Variants in NIN observed in about 807,000 individuals in gnomAD.
NIN encodes ninein.
NIN carries 137 observed loss-of-function variants against 257.6 expected under a neutral mutation model. The ratio of observed to expected loss-of-function variants is 0.53; its 90% CI spans 0.46 to 0.61. The LOEUF (loss-of-function observed/expected upper bound fraction) is 0.61, where lower values mean the gene tolerates loss of function less well. Ranked by LOEUF, NIN falls within the 20% of genes least tolerant of loss-of-function variation. NIN has a pLI of 0.00. For missense variants in NIN, 2,439 were observed against 2,501.2 expected (o/e 0.98, Z 0.53); for synonymous variants, 918 against 919.8 (o/e 1.00, Z 0.04).
At chr14:50,766,977 C>T in intron 12 of NIN, 87 bp from the exon 13 acceptor site, 2 of 851,712 alleles carry the variant, frequency 2.3e-6, no homozygotes, top group Non-Finnish European at 3.8e-6. Context: ...TAAATCAGTA[C>T]CGTAGATTAA....
chr14:50,739,203 C>T, intron 26 of NIN, 105 bp downstream of exon 26: 2 of 1,037,438 alleles, frequency 1.9e-6, no homozygotes, highest in Non-Finnish European at 2.8e-6. Context: ...TAGCAGGATA[C>T]TCAAATCCAT....
chr14:50,754,740 A>G lies in NIN; in HGVS notation c.4664+2T>C, dbSNP rs1163677102. On this transcript the variant is annotated splice_donor_variant, in intron 19 of 30. Transcript: ENST00000530997. LOFTEE classifies it high-confidence loss of function. ...TTAGGAAAATGTAAGTATACGTCTT[A>G]CCACATTTCTTCCTGAGATCCATTT... The G allele has an allele frequency of 6.3e-7, 1 of 1,585,088 alleles. No homozygotes were observed. Among genetic ancestry groups the G allele is most frequent in the Non-Finnish European group, 8.6e-7 (1 of 1,164,572 alleles).
chr14:50,772,492 T>G, intron 8 of NIN, 24 bp from the exon 9 acceptor site: 1 of 1,610,774 alleles, frequency 6.2e-7, no homozygotes, highest in East Asian at 2.2e-5. Flanking sequence ...GAGACTTGAG[T>G]AAGCCTAGCT....
At chr14:50,791,805 G>GCACACACACAAACA (rs1254307573) in intron 5 of NIN, among the ~76,000 whole-genome samples, 2 of 23,066 alleles carry the variant, frequency 8.7e-5, no homozygotes, top group East Asian at 5.0e-3. Flanking sequence ...ACAGGTGCAC[G>GCACACACACAAACA]CGCACACACA....
rs1436794977 is a variant in NIN, at chr14:50,747,340, C to G, written c.5064+652G>C. On this transcript the variant is annotated intron_variant, in intron 22 of 30. Transcript: ENST00000530997. ...TAGAAAAGTTATAAGCAAGATAGTC[C>G]CCCTCCTTTTAGACAAACATATGTT... 2.0e-5 allele frequency among the ~76,000 whole-genome samples: 3 copies of G among 152,124 alleles called. No individual in the cohort carries two copies. The East Asian group carries it at 5.8e-4, about 29-fold the overall frequency.
At chr14:50,794,906 G>GT (rs1383518980) in intron 4 of NIN, among the ~76,000 whole-genome samples, 1 of 152,178 alleles carries the variant, frequency 6.6e-6, no homozygotes, top group Non-Finnish European at 1.5e-5. Flanking sequence ...GGTAGATGCA[G>GT]TGGTGGATTC....
At position 50,792,714 on chromosome 14, in the gene NIN, C is replaced by T. The variant is rs1405505685; in HGVS notation, c.433G>A (p.Glu145Lys). Reference sequence around the variant, plus strand: ...AACGTGCATGCCCGATTCCTTACCTCACTGCAGTCACCGGCTGGGATGTGT... The same window carrying T: ...AACGTGCATGCCCGATTCCTTACCTTACTGCAGTCACCGGCTGGGATGTGT... ...PSHIPAGDCS[E>K]HWKTQRSEEY... Residue 145 changes from glutamate to lysine, a missense_variant and splice_region_variant, in exon 5 of 31, where the codon GAG becomes AAG. By Grantham distance (56) the Glu-to-Lys change is moderately conservative. Transcript: ENST00000530997. 6 of 1,614,202 alleles carry T rather than the reference C, an allele frequency of 3.7e-6. No homozygotes were observed. Among genetic ancestry groups the T allele is most frequent in the Non-Finnish European group, 5.1e-6 (6 of 1,180,040 alleles).
At chr14:50,746,932 G>A (rs1473733767) in intron 22 of NIN, among the ~76,000 whole-genome samples, 5 of 152,168 alleles carry the variant, frequency 3.3e-5, no homozygotes, top group Admixed American at 2.0e-4. Context: ...CGCAATCTCA[G>A]CTCACTGGAG....
intron 6 of NIN, among the ~76,000 whole-genome samples, chr14:50,778,128 C>T (rs1181227891): frequency 6.6e-6 from 1 of 152,206 alleles, no homozygotes; most frequent in Non-Finnish European, 1.5e-5. Context: ...TTCTTAAATA[C>T]ATTTGAAACT....
At chr14:50,731,493 T>TTTTAAA (rs2040695939) in intron 28 of NIN, among the ~76,000 whole-genome samples, 1 of 133,054 alleles carries the variant, frequency 7.5e-6, no homozygotes, top group Non-Finnish European at 1.5e-5. Flanking sequence ...ATCACACCAA[T>TTTTAAA]GCACTCCAGC....
Position 50,766,147 on chromosome 14 carries a change from A to C in NIN, c.1635+160T>G, listed in dbSNP as rs9323193. Among the ~76,000 whole-genome samples, 151,050 of 152,266 alleles carry C rather than the reference A, an allele frequency of 0.99. 74,939 individuals carry two copies. Among genetic ancestry groups the C allele is most frequent in the Middle Eastern group, 1 (294 of 294 alleles). ...TCACTGATGGAATTTTTGCTACAACATTTTGTGGTGGGTACTTTTATTTTT... is the reference window on the plus strand; with the variant it reads ...TCACTGATGGAATTTTTGCTACAACCTTTTGTGGTGGGTACTTTTATTTTT... On this transcript the variant is annotated intron_variant, in intron 14 of 30. Transcript: ENST00000530997.
intron 7 of NIN, among the ~76,000 whole-genome samples, chr14:50,774,179 CT>C (rs1156749096): frequency 1.3e-5 from 2 of 152,240 alleles, no homozygotes; most frequent in African/African-American, 4.8e-5. Context: ...ACAAATTGCT[CT>C]TGTTGCATTT....
At chr14:50,819,746 A>T (rs184540905) in intron 3 of NIN, among the ~76,000 whole-genome samples, 21 of 152,388 alleles carry the variant, frequency 1.4e-4, no homozygotes, top group African/African-American at 5.0e-4. Context: ...AGATTAATAT[A>T]TTCAGATTTG....
chr14:50,777,834 C>T (rs1353042393), intron 6 of NIN, among the ~76,000 whole-genome samples: 1 of 152,194 alleles, frequency 6.6e-6, no homozygotes. Context: ...TTTTGCTTTA[C>T]ACATTAGAGA....
intron 28 of NIN, 49 bp from the exon 29 acceptor site, chr14:50,729,772 G>GA: frequency 7.0e-7 from 1 of 1,425,486 alleles, no homozygotes; most frequent in South Asian, 1.4e-5. Flanking sequence ...TTCAATCCCA[G>GA]AGCTGCCCTT....
In NIN at chr14:50,743,529, A is replaced by G. The variant is rs61741547; in HGVS notation, c.5188T>C (p.Leu1730=). 1.3e-3 allele frequency: 2,030 copies of G among 1,606,684 alleles called. 36 individuals carry two copies. In the African/African-American group the frequency reaches 0.025, roughly 20 times the overall value. ...SEELNSCVDK[L]AKSSLLEHRI... ...TGCTCTAAAAGACTTGATTTTGCCA[A>G]CTGTTTCAGGAAGGGAAAAAGAGGT... Residue 1730 remains leucine (L), a splice_region_variant and synonymous_variant, in exon 24 of 31, where the codon TTG becomes CTG. Coordinates refer to ENST00000530997, the MANE Select transcript of NIN (RefSeq NM_020921.4).
intron 7 of NIN, among the ~76,000 whole-genome samples, chr14:50,775,214 A>C (rs1375840982): frequency 6.6e-6 from 1 of 151,908 alleles, no homozygotes. Context: ...TTTTTTTTTC[A>C]ATGTAGCAAA....
At chr14:50,804,976 G>A (rs891758209) in intron 4 of NIN, among the ~76,000 whole-genome samples, 9 of 152,156 alleles carry the variant, frequency 5.9e-5, no homozygotes, top group Non-Finnish European at 1.3e-4. Flanking sequence ...AACTCTGTGC[G>A]GGGACCCTTC....
intron 13 of NIN, 137 bp downstream of exon 13, chr14:50,766,643 C>G (rs1400588188): frequency 1.5e-6 from 1 of 663,692 alleles, no homozygotes; most frequent in South Asian, 1.9e-5. Flanking sequence ...AAATTATATC[C>G]CTACAAAAGT....
Sources: allele counts gnomAD v4.1 joint callset (sites outside exome capture counted in the v4.1 genomes callset), GRCh38; gene constraint gnomAD v4.1.1; transcripts MANE v1.5; gene names NCBI Gene and HGNC (gene_info 2026-07-23, HGNC 2026-07-21).